The following SEMA3C variants were observed in gnomAD, a reference collection of about 807,000 sequenced individuals.
The protein encoded by SEMA3C is semaphorin-3C.
In SEMA3C, 47 loss-of-function variants were observed where a neutral mutation model predicts 89.4. The ratio of observed to expected loss-of-function variants is 0.53; its 90% CI spans 0.42 to 0.67. SEMA3C has a LOEUF of 0.67. Among genes scored for constraint, SEMA3C ranks in the 30% least tolerant of loss-of-function variants. The pLI, the probability that SEMA3C is intolerant of heterozygous loss-of-function variation, is 0.00. For missense variants in SEMA3C, 839 were observed against 929.1 expected (o/e 0.90, Z 1.26); for synonymous variants, 310 against 320.2 (o/e 0.97, Z 0.34).
At chr7:80,767,825 T>C (rs1023159033) in intron 12 of SEMA3C, among the ~76,000 whole-genome samples, 2 of 152,196 alleles carry the variant, frequency 1.3e-5, no homozygotes, top group Non-Finnish European at 2.9e-5. Context: ...AGTTGGCTTC[T>C]ATTCCACAGG....
At chr7:80,909,073 TGTGA>T (rs1283511874) in intron 2 of SEMA3C, among the ~76,000 whole-genome samples, 2 of 152,084 alleles carry the variant, frequency 1.3e-5, no homozygotes, top group Admixed American at 6.6e-5. Flanking sequence ...TCATAGACGA[TGTGA>T]GTGTGTGTAT....
Position 80,742,955 on chromosome 7 carries a change from T to C in SEMA3C, c.*1939A>G, listed in dbSNP as rs1787715010. ...AAAGAATTAAATAGCACAAATATAG[T>C]ATAAAACTAAACACCGTTACTGTCT... On this transcript the variant is annotated 3_prime_UTR_variant, in exon 18 of 18. Coordinates refer to ENST00000265361, the MANE Select transcript of SEMA3C (RefSeq NM_006379.5). 1 of 151,910 alleles carries C rather than the reference T, an allele frequency of 6.6e-6. No individual in the cohort carries two copies. Among genetic ancestry groups the C allele is most frequent in the Non-Finnish European group, 1.5e-5 (1 of 67,828 alleles). The allele number at this position is 151,910 out of a possible 1,614,324, so 9.4% of individuals were successfully genotyped here.
chr7:80,895,455 G>A (rs1380749434), intron 2 of SEMA3C, among the ~76,000 whole-genome samples: 1 of 152,082 alleles, frequency 6.6e-6, no homozygotes, highest in East Asian at 1.9e-4. Flanking sequence ...TGCATCTAAT[G>A]TTCAGATGCA....
At chr7:80,871,773 C>T (rs60888856) in intron 2 of SEMA3C, among the ~76,000 whole-genome samples, 14,922 of 152,122 alleles carry the variant, frequency 0.098, 1,039 homozygotes, top group African/African-American at 0.18. Flanking sequence ...TCAAAAATTT[C>T]GGTCTCAAGA....
intron 2 of SEMA3C, among the ~76,000 whole-genome samples, chr7:80,906,791 A>T (rs544857675): frequency 6.6e-6 from 1 of 152,300 alleles, no homozygotes; most frequent in East Asian, 1.9e-4. Context: ...TACTATAGAT[A>T]TAAGGGGAGA....
In SEMA3C at chr7:80,763,832, G is replaced by A. The variant is rs182039220; in HGVS notation, c.1443+1323C>T. Among the ~76,000 whole-genome samples the A allele has an allele frequency of 3.7e-4, 56 of 152,130 alleles. 3 individuals carry two copies. Among genetic ancestry groups the A allele is most frequent in the African/African-American group, 1.3e-3 (54 of 41,498 alleles). On this transcript the variant is annotated intron_variant, in intron 13 of 17. Transcript: ENST00000265361. ...AATATGTTCTATATAATGTGATTCTGGTTAATCTAGTGAAATAATCAATTT... is the reference window on the plus strand; with the variant it reads ...AATATGTTCTATATAATGTGATTCTAGTTAATCTAGTGAAATAATCAATTT...
chr7:80,911,545 C>T (rs1792148996), intron 2 of SEMA3C, among the ~76,000 whole-genome samples: 1 of 151,596 alleles, frequency 6.6e-6, no homozygotes, highest in South Asian at 2.1e-4. Flanking sequence ...TCACTTGCAC[C>T]ATCTTCATTT....
Position 80,743,720 on chromosome 7 carries a change from A to C in SEMA3C, c.*1174T>G, listed in dbSNP as rs971501743. 1 of 151,988 alleles carries C rather than the reference A, an allele frequency of 6.6e-6. No individual in the cohort carries two copies. Among genetic ancestry groups the C allele is most frequent in the Non-Finnish European group, 1.5e-5 (1 of 67,866 alleles). The allele number at this position is 151,988 out of a possible 1,614,324, so 9.4% of individuals were successfully genotyped here. On this transcript the variant is annotated 3_prime_UTR_variant, in exon 18 of 18. Coordinates refer to ENST00000265361, the MANE Select transcript of SEMA3C (RefSeq NM_006379.5). Reference sequence around the variant, plus strand: ...TCATCACAAAATTTACTACTTTTACACTTAGAGACCAGTGAACGTATGTAC... The same window carrying C: ...TCATCACAAAATTTACTACTTTTACCCTTAGAGACCAGTGAACGTATGTAC...
At position 80,875,530 on chromosome 7, in the gene SEMA3C, A is replaced by C. The variant is rs1316433441; in HGVS notation, c.103+41149T>G. On this transcript the variant is annotated intron_variant, in intron 2 of 17. Coordinates refer to ENST00000265361, the MANE Select transcript of SEMA3C (RefSeq NM_006379.5). ...CCCTTAGTCAAGCACAATCGGAAAA[A>C]ATTAAATGAAAAATTCCAAAAATAA... 1.3e-5 allele frequency among the ~76,000 whole-genome samples: 2 copies of C among 152,130 alleles called. 1 individual carries two copies. The highest frequency in any genetic ancestry group is 1.3e-4 in the Admixed American group (2 of 15,270).
intron 13 of SEMA3C, among the ~76,000 whole-genome samples, chr7:80,762,121 T>C (rs1288594604): frequency 7.2e-6 from 1 of 139,686 alleles, no homozygotes; most frequent in Non-Finnish European, 1.5e-5. Flanking sequence ...AAAAGAGTGG[T>C]AATTAAAACA....
chr7:80,813,417 C>T (rs1387784375), intron 5 of SEMA3C, among the ~76,000 whole-genome samples: 1 of 152,168 alleles, frequency 6.6e-6, no homozygotes, highest in Non-Finnish European at 1.5e-5. Context: ...CCACTAAAGC[C>T]AAATCCTGAT....
At chr7:80,776,650 A>G (rs1190306338) in intron 12 of SEMA3C, among the ~76,000 whole-genome samples, 2 of 152,200 alleles carry the variant, frequency 1.3e-5, no homozygotes, top group African/African-American at 2.4e-5. Context: ...ACAAATTCCA[A>G]ATGAAAGAAA....
In SEMA3C at chr7:80,914,413, TCTC is replaced by T. The variant is rs778638438; in HGVS notation, c.103+2263_103+2265del. On this transcript the variant is annotated intron_variant, in intron 2 of 17. Coordinates refer to ENST00000265361, the MANE Select transcript of SEMA3C (RefSeq NM_006379.5). ...CATTTCAAGCAGGTACACTGTGAAATCTCCTAAGAAAACTGTATTGAACCAAGG... is the reference window on the plus strand; with the variant it reads ...CATTTCAAGCAGGTACACTGTGAAATCTAAGAAAACTGTATTGAACCAAGG... Among the ~76,000 whole-genome samples the T allele has an allele frequency of 2.1e-5, 3 of 144,104 alleles. No individual in the cohort carries two copies. The East Asian group carries it at 5.8e-4, about 28-fold the overall frequency. 94.5% of individuals were successfully genotyped at this position (144,104 alleles called of 152,430 possible). A position where few individuals can be genotyped will look rare whatever the true frequency, so the allele number is the denominator to read the frequency against.
intron 12 of SEMA3C, among the ~76,000 whole-genome samples, chr7:80,776,469 T>C (rs529654489): frequency 6.6e-6 from 1 of 152,284 alleles, no homozygotes; most frequent in South Asian, 2.1e-4. Flanking sequence ...CCTGACAAGG[T>C]TGTTCAAGAT....
intron 4 of SEMA3C, among the ~76,000 whole-genome samples, chr7:80,819,032 T>C (rs1789681168): frequency 6.6e-6 from 1 of 152,262 alleles, no homozygotes; most frequent in South Asian, 2.1e-4. Flanking sequence ...CCTTGTAGAA[T>C]GCAATTGAAC....
rs1273683342 is a variant in SEMA3C, at chr7:80,789,334, C to T, written c.1326G>A (p.Gly442=). The T allele has an allele frequency of 1.2e-6, 2 of 1,613,856 alleles. No individual in the cohort carries two copies. Among genetic ancestry groups the T allele is most frequent in the South Asian group, 1.1e-5 (1 of 91,038 alleles). ...IAVDRVNAAD[G]RYHVLFLGTD... ...TTCCGAGAAACAGGACATGGTATCTCCCATCAGCAGCGTTCACTCGATCCA... is the reference window on the plus strand; with the variant it reads ...TTCCGAGAAACAGGACATGGTATCTTCCATCAGCAGCGTTCACTCGATCCA... Residue 442 remains glycine, a synonymous_variant, in exon 12 of 18, where the codon GGG becomes GGA. Transcript: ENST00000265361.
chr7:80,867,078 T>C (rs1790944451), intron 2 of SEMA3C, among the ~76,000 whole-genome samples: 1 of 152,188 alleles, frequency 6.6e-6, no homozygotes, highest in African/African-American at 2.4e-5. Flanking sequence ...AGCATTTGTT[T>C]AAATATACAA....
intron 2 of SEMA3C, among the ~76,000 whole-genome samples, chr7:80,863,230 TAAAA>T (rs57655836): frequency 8.0e-6 from 1 of 125,672 alleles, no homozygotes; most frequent in Non-Finnish European, 1.7e-5. Flanking sequence ...GACTCCATCT[TAAAA>T]AAAAAAAAAA....
intron 2 of SEMA3C, among the ~76,000 whole-genome samples, chr7:80,838,611 T>C (rs1056543528): frequency 1.3e-5 from 2 of 152,178 alleles, no homozygotes; most frequent in African/African-American, 4.8e-5. Context: ...AGATAGTACT[T>C]GGGACTGGGC....
Sources: allele counts gnomAD v4.1 joint callset (sites outside exome capture counted in the v4.1 genomes callset), GRCh38; gene constraint gnomAD v4.1.1; transcripts MANE v1.5; gene names NCBI Gene and HGNC (gene_info 2026-07-23, HGNC 2026-07-21).